The following SAMD12 variants were observed in gnomAD, a reference collection of about 807,000 sequenced individuals.
SAMD12 encodes the protein sterile alpha motif domain containing 12, also known as sterile alpha motif domain-containing protein 12.
In SAMD12, 9 loss-of-function variants were observed where a neutral mutation model predicts 15.0. The ratio of observed to expected loss-of-function variants is 0.60; its 90% CI spans 0.36 to 1.05. The LOEUF is 1.05. SAMD12 is among the 50% of genes least tolerant of loss of function. SAMD12 has a pLI of 0.01. For synonymous variants in SAMD12, 86 were observed against 90.1 expected (o/e 0.96, Z 0.25); for missense variants, 230 against 234.2 (o/e 0.98, Z 0.12).
intron 1 of SAMD12, among the ~76,000 whole-genome samples, chr8:118,620,190 G>A (rs1472238630): frequency 1.3e-5 from 2 of 152,072 alleles, no homozygotes; most frequent in African/African-American, 4.8e-5. Flanking sequence ...GAACAGTGTG[G>A]ACTAGCAACA....
chr8:118,524,406 C>T (rs1388908147), intron 2 of SAMD12, among the ~76,000 whole-genome samples: 1 of 152,120 alleles, frequency 6.6e-6, no homozygotes, highest in East Asian at 1.9e-4. Context: ...CTGGTTGCTC[C>T]TTCTCTGACT....
chr8:118,140,099 C>T, the SAMD12 span, among the ~76,000 whole-genome samples: 2 of 152,146 alleles, frequency 1.3e-5, no homozygotes, highest in African/African-American at 4.8e-5. Context: ...ATGGTCCCTC[C>T]CTTATTCTTT....
chr8:118,150,389 C>CT, the SAMD12 span, among the ~76,000 whole-genome samples: 624 of 151,854 alleles, frequency 4.1e-3, 4 homozygotes, highest in African/African-American at 0.015. Context: ...TGTTTTTTCT[C>CT]TTTTTTTTAG....
intron 3 of SAMD12, among the ~76,000 whole-genome samples, chr8:118,382,211 T>C (rs1315808360): frequency 6.6e-6 from 1 of 152,214 alleles, no homozygotes; most frequent in Non-Finnish European, 1.5e-5. Context: ...CATAAAAATG[T>C]AGATCACCCT....
chr8:118,345,912 C>T (rs916018877), intron 4 of SAMD12, among the ~76,000 whole-genome samples: 20 of 151,466 alleles, frequency 1.3e-4, no homozygotes, highest in African/African-American at 4.2e-4. Context: ...ACAAGTCAGC[C>T]ATGAAGAATG....
At chr8:118,132,968 GTGTGTATATATATATA>G in the SAMD12 span, among the ~76,000 whole-genome samples, 1 of 55,878 alleles carries the variant, frequency 1.8e-5, no homozygotes, top group African/African-American at 1.0e-4. Flanking sequence ...ATATGTGTGT[GTGTGTATATATATATA>G]TATATATATA....
intron 4 of SAMD12, among the ~76,000 whole-genome samples, chr8:118,283,170 T>A (rs2130174987): frequency 6.6e-6 from 1 of 152,346 alleles, no homozygotes; most frequent in Non-Finnish European, 1.5e-5. Flanking sequence ...AGGGTACATG[T>A]GCACAACGTG....
intron 2 of SAMD12, among the ~76,000 whole-genome samples, chr8:118,522,179 TACACAC>T (rs57368278): frequency 3.9e-5 from 1 of 25,950 alleles, no homozygotes; most frequent in Non-Finnish European, 6.8e-5. Flanking sequence ...CACACACACA[TACACAC>T]ACACACACAC....
At chr8:118,238,046 C>T (rs146508520) in intron 4 of SAMD12, among the ~76,000 whole-genome samples, 1,650 of 152,114 alleles carry the variant, frequency 0.011, 52 homozygotes, top group Admixed American at 0.071. Context: ...ACAAAAAGAA[C>T]TTCAGAATAT....
At chr8:118,360,403 CAA>C (rs1465791075) in intron 4 of SAMD12, among the ~76,000 whole-genome samples, 2 of 151,790 alleles carry the variant, frequency 1.3e-5, no homozygotes, top group Admixed American at 6.6e-5. Context: ...GAAAGGAAAA[CAA>C]AAGAATGGTT....
intron 2 of SAMD12, among the ~76,000 whole-genome samples, chr8:118,561,482 A>G (rs552136918): frequency 2.0e-5 from 3 of 152,344 alleles, no homozygotes; most frequent in African/African-American, 7.2e-5. Flanking sequence ...GGTTTAATTG[A>G]CTCACAATTC....
chr8:118,413,785 CTA>C (rs1372730345), intron 3 of SAMD12, among the ~76,000 whole-genome samples: 1 of 152,102 alleles, frequency 6.6e-6, no homozygotes, highest in African/African-American at 2.4e-5. Context: ...AAAGAAGAAG[CTA>C]TAGCTCTTGA....
chr8:118,441,010 G>A (rs17682712), intron 2 of SAMD12, among the ~76,000 whole-genome samples: 3,401 of 152,118 alleles, frequency 0.022, 58 homozygotes, highest in Non-Finnish European at 0.034. Context: ...TTCTCCATAC[G>A]CATAATTTCC....
intron 3 of SAMD12, among the ~76,000 whole-genome samples, chr8:118,407,327 G>A (rs1821182684): frequency 6.8e-6 from 1 of 146,526 alleles, no homozygotes; most frequent in Non-Finnish European, 1.5e-5. Context: ...GTTGACACTT[G>A]TAATTTTCTG....
intron 1 of SAMD12, among the ~76,000 whole-genome samples, chr8:118,593,858 A>T (rs944882982): frequency 6.6e-5 from 10 of 152,364 alleles, no homozygotes; most frequent in Middle Eastern, 3.4e-3. Flanking sequence ...ACAAAAAAAT[A>T]AACATAATGC....
intron 4 of SAMD12, among the ~76,000 whole-genome samples, chr8:118,280,844 A>T (rs868751173): frequency 3.3e-5 from 5 of 152,130 alleles, no homozygotes; most frequent in South Asian, 2.1e-4. Flanking sequence ...TAATATTTGC[A>T]GGCTACGTCA....
At chr8:118,609,663 G>A (rs563393803) in intron 1 of SAMD12, among the ~76,000 whole-genome samples, 24 of 152,182 alleles carry the variant, frequency 1.6e-4, no homozygotes, top group South Asian at 1.0e-3. Context: ...CACCCTGTTC[G>A]TTTATCTTCC....
chr8:118,237,793 A>T (rs1345366716), intron 4 of SAMD12, among the ~76,000 whole-genome samples: 1 of 152,122 alleles, frequency 6.6e-6, no homozygotes, highest in Non-Finnish European at 1.5e-5. Context: ...AAATTCAGAA[A>T]TATATTGGTA....
rs923263369 is a variant in SAMD12 at position 118,252,748 on chromosome 8, T to C, written c.434-55016A>G. 3.3e-5 allele frequency among the ~76,000 whole-genome samples: 5 copies of C among 152,144 alleles called. No homozygotes were observed. The East Asian group carries it at 5.8e-4, about 18-fold the overall frequency. Reference sequence around the variant, plus strand: ...CCAAACACAGATTTACTGCCTATTATGGGCAGTGAGTGTAGAAGGCGCTGG... The same window carrying C: ...CCAAACACAGATTTACTGCCTATTACGGGCAGTGAGTGTAGAAGGCGCTGG... On this transcript the variant is annotated intron_variant, in intron 4 of 4. Transcript: ENST00000409003.
Sources: allele counts gnomAD v4.1 joint callset (sites outside exome capture counted in the v4.1 genomes callset), GRCh38; gene constraint gnomAD v4.1.1; transcripts MANE v1.5; gene names NCBI Gene and HGNC (gene_info 2026-07-23, HGNC 2026-07-21).